Variants in GALNTL6 observed in about 807,000 individuals in gnomAD.
GALNTL6 encodes polypeptide N-acetylgalactosaminyltransferase-like 6.
A neutral mutation model predicts 73.7 loss-of-function variants in GALNTL6; 46 were observed. That is an observed-to-expected ratio of 0.62 (90% CI 0.49 to 0.80). The LOEUF (loss-of-function observed/expected upper bound fraction) is 0.80. Ranked by LOEUF, GALNTL6 falls within the 30% of genes least tolerant of loss-of-function variation. The pLI is 0.00. For synonymous variants in GALNTL6, 259 were observed against 263.7 expected (o/e 0.98, Z 0.17); for missense variants, 604 against 755.0 (o/e 0.80, Z 2.34).
intron 10 of GALNTL6, among the ~76,000 whole-genome samples, chr4:172,964,775 G>A (rs1486436481): frequency 6.6e-6 from 1 of 152,228 alleles, no homozygotes; most frequent in Non-Finnish European, 1.5e-5. Flanking sequence ...GACCATCTGA[G>A]GATGCGATGT....
At chr4:172,621,073 G>A (rs577460046) in intron 5 of GALNTL6, among the ~76,000 whole-genome samples, 1 of 152,280 alleles carries the variant, frequency 6.6e-6, no homozygotes, top group South Asian at 2.1e-4. Context: ...ATTGATTAAA[G>A]CTTGTAAGGA....
chr4:172,263,889 T>A (rs1402370673), intron 3 of GALNTL6, among the ~76,000 whole-genome samples: 1 of 151,662 alleles, frequency 6.6e-6, no homozygotes, highest in African/African-American at 2.4e-5. Flanking sequence ...TCATGTATTT[T>A]GTAGTTTTGG....
At chr4:172,479,281 GATGA>G (rs908968003) in intron 5 of GALNTL6, among the ~76,000 whole-genome samples, 8 of 151,218 alleles carry the variant, frequency 5.3e-5, no homozygotes, top group Admixed American at 4.0e-4. Flanking sequence ...CCCATCAACA[GATGA>G]ATGAATAAAG....
At chr4:171,825,943 A>G (rs185249910) in intron 2 of GALNTL6, among the ~76,000 whole-genome samples, 36 of 152,252 alleles carry the variant, frequency 2.4e-4, no homozygotes, top group Admixed American at 2.4e-3. Context: ...CTTTGTTGTC[A>G]TTGGTTTGTC....
rs192893470 is a variant in GALNTL6, at chr4:172,012,382, A to T, written c.138+197664A>T. Among the ~76,000 whole-genome samples, 259 of 151,076 alleles carry T rather than the reference A, an allele frequency of 1.7e-3. 2 individuals are homozygous for T. The highest frequency in any genetic ancestry group is 3.1e-3 in the Non-Finnish European group (209 of 68,014). ...TCTCTAGGCCACTGTGTCTCAAAGTAGTGTTTTCCTAGGGTGAAACCCCCT... is the reference window on the plus strand; with the variant it reads ...TCTCTAGGCCACTGTGTCTCAAAGTTGTGTTTTCCTAGGGTGAAACCCCCT... On this transcript the variant is annotated intron_variant, in intron 2 of 12. Transcript: ENST00000506823.
chr4:172,712,560 G>C (rs1157066502), intron 5 of GALNTL6, among the ~76,000 whole-genome samples: 1 of 151,954 alleles, frequency 6.6e-6, no homozygotes, highest in Non-Finnish European at 1.5e-5. Flanking sequence ...TAAAAGTTCT[G>C]GTGGTCCTTG....
intron 3 of GALNTL6, among the ~76,000 whole-genome samples, chr4:172,233,239 G>A (rs977633483): frequency 6.6e-6 from 1 of 151,672 alleles, no homozygotes; most frequent in African/African-American, 2.4e-5. Context: ...TCCGGGCATG[G>A]TGACATGTGC....
chr4:171,920,050 A>T (rs939514724), intron 2 of GALNTL6, among the ~76,000 whole-genome samples: 11 of 152,228 alleles, frequency 7.2e-5, no homozygotes, highest in African/African-American at 2.7e-4. Flanking sequence ...AATGTGGCAC[A>T]TATACGCCAT....
intron 4 of GALNTL6, among the ~76,000 whole-genome samples, chr4:172,348,048 T>A (rs1357111838): frequency 2.6e-5 from 4 of 152,178 alleles, no homozygotes; most frequent in African/African-American, 9.7e-5. Context: ...CAGTTGTTTT[T>A]CCCTTCAGGC....
chr4:172,357,666 C>T (rs1742211488), intron 5 of GALNTL6, among the ~76,000 whole-genome samples: 2 of 27,750 alleles, frequency 7.2e-5, no homozygotes, highest in Admixed American at 6.0e-4. Context: ...CACACACACA[C>T]ACGGAATTCA....
At chr4:172,401,238 A>G (rs1744025649) in intron 5 of GALNTL6, among the ~76,000 whole-genome samples, 1 of 152,118 alleles carries the variant, frequency 6.6e-6, no homozygotes, top group South Asian at 2.1e-4. Context: ...GAAAATGTAC[A>G]AAAATCACAA....
At chr4:171,899,280 G>A (rs1737012051) in intron 2 of GALNTL6, among the ~76,000 whole-genome samples, 1 of 151,976 alleles carries the variant, frequency 6.6e-6, no homozygotes, top group African/African-American at 2.4e-5. Context: ...ATGACTAGTA[G>A]CGTTTAAAAA....
At chr4:172,009,101 T>G (rs2110775044) in intron 2 of GALNTL6, among the ~76,000 whole-genome samples, 1 of 152,186 alleles carries the variant, frequency 6.6e-6, no homozygotes, top group African/African-American at 2.4e-5. Context: ...TATTTAAAGG[T>G]CCTATTAGGA....
chr4:172,316,627 G>C (rs1484825238), intron 4 of GALNTL6, among the ~76,000 whole-genome samples: 2 of 152,142 alleles, frequency 1.3e-5, no homozygotes, highest in Admixed American at 6.6e-5. Context: ...TTTTCAGTAG[G>C]GTTGCAGTTA....
chr4:172,759,132 G>C lies in GALNTL6; in HGVS notation c.554-50229G>C, dbSNP rs557365368. Among the ~76,000 whole-genome samples, 4 of 152,310 alleles carry C rather than the reference G, an allele frequency of 2.6e-5. No individual in the cohort carries two copies. The East Asian group carries it at 7.7e-4, about 29-fold the overall frequency. On this transcript the variant is annotated intron_variant, in intron 5 of 12. Coordinates refer to ENST00000506823, the MANE Select transcript of GALNTL6 (RefSeq NM_001034845.3). ...TTTCTTGCCCACAACCACAAGAAGA[G>C]GAAGAGGGCATTGTATGAAAGCAGA...
chr4:171,826,913 C>T (rs1734840430), intron 2 of GALNTL6, among the ~76,000 whole-genome samples: 1 of 152,074 alleles, frequency 6.6e-6, no homozygotes, highest in African/African-American at 2.4e-5. Context: ...ATACCACGTA[C>T]ATTTACCAGT....
intron 2 of GALNTL6, among the ~76,000 whole-genome samples, chr4:171,933,961 C>CA (rs143462857): frequency 0.012 from 1,752 of 152,190 alleles, 38 homozygotes; most frequent in African/African-American, 0.04. Flanking sequence ...TAGGGGTTTT[C>CA]AAATGTTATA....
chr4:171,837,089 C>T (rs2110835607), intron 2 of GALNTL6, among the ~76,000 whole-genome samples: 1 of 152,174 alleles, frequency 6.6e-6, no homozygotes, highest in Middle Eastern at 3.4e-3. Flanking sequence ...AAAATGATCA[C>T]TAGTAATAGG....
chr4:171,853,787 T>C (rs1473257812), intron 2 of GALNTL6, among the ~76,000 whole-genome samples: 1 of 151,754 alleles, frequency 6.6e-6, no homozygotes, highest in Non-Finnish European at 1.5e-5. Flanking sequence ...AATTTTTATA[T>C]TTTTAGTAGA....
Sources: gnomAD v4.1 joint callset for allele counts (sites outside exome capture counted in the v4.1 genomes callset) on GRCh38, gnomAD v4.1.1 for gene constraint, MANE v1.5 for transcripts, NCBI Gene and HGNC (gene_info 2026-07-23, HGNC 2026-07-21) for gene names.